The following MACROD2 variants were observed in gnomAD, a reference collection of about 807,000 sequenced individuals.
MACROD2 encodes the protein ADP-ribose glycohydrolase MACROD2.
A neutral mutation model predicts 70.4 loss-of-function variants in MACROD2; 36 were observed. The observed-to-expected ratio is 0.51, with a 90% CI of 0.39 to 0.68. The LOEUF (loss-of-function observed/expected upper bound fraction) is 0.68, where lower values mean the gene tolerates loss of function less well. MACROD2 is among the 30% of genes least tolerant of loss of function. MACROD2 has a pLI of 0.00. For missense variants in MACROD2, 496 were observed against 538.4 expected, an observed-to-expected ratio of 0.92 and a Z score of 0.78; for synonymous variants, 172 against 178.8, an observed-to-expected ratio of 0.96 and a Z score of 0.30.
chr20:14,602,200 C>T (rs1263156824), intron 4 of MACROD2, among the ~76,000 whole-genome samples: 3 of 152,182 alleles, frequency 2.0e-5, no homozygotes, highest in Non-Finnish European at 4.4e-5. Flanking sequence ...CTGCCCCTCA[C>T]AATGAAGTAC....
At chr20:15,597,619 TG>T (rs2048762956) in intron 8 of MACROD2, among the ~76,000 whole-genome samples, 1 of 152,186 alleles carries the variant, frequency 6.6e-6, no homozygotes, top group Admixed American at 6.5e-5. Context: ...GATGATGGCA[TG>T]GGGTTGAGGC....
At chr20:15,209,817 T>C (rs777111701) in intron 5 of MACROD2, among the ~76,000 whole-genome samples, 3 of 152,146 alleles carry the variant, frequency 2.0e-5, no homozygotes, top group African/African-American at 7.2e-5. Flanking sequence ...ACTCTGAAAA[T>C]CTTTCCAGAA....
intron 5 of MACROD2, among the ~76,000 whole-genome samples, chr20:15,000,548 G>C (rs891391154): frequency 7.5e-6 from 1 of 132,870 alleles, no homozygotes. Context: ...GCGTGAACCC[G>C]GGAAGCGGAG....
intron 8 of MACROD2, among the ~76,000 whole-genome samples, chr20:15,821,241 T>C (rs1414404555): frequency 6.6e-6 from 1 of 152,170 alleles, no homozygotes; most frequent in East Asian, 1.9e-4. Context: ...TTTAAAACAT[T>C]TCTTCATTTT....
intron 3 of MACROD2, among the ~76,000 whole-genome samples, chr20:14,314,795 AAAT>A (rs1466865551): frequency 6.7e-5 from 9 of 134,170 alleles, no homozygotes; most frequent in South Asian, 2.4e-4. Flanking sequence ...TAAATAAATA[AAAT>A]TTTTTAGGCA....
intron 5 of MACROD2, among the ~76,000 whole-genome samples, chr20:15,126,485 A>G (rs901110600): frequency 6.6e-6 from 1 of 152,046 alleles, no homozygotes; most frequent in Admixed American, 6.6e-5. Context: ...TTGATTTAAT[A>G]AAATTTGCAT....
At chr20:14,719,297 CAAAT>C (rs907407260) in intron 5 of MACROD2, among the ~76,000 whole-genome samples, 13 of 151,616 alleles carry the variant, frequency 8.6e-5, no homozygotes, top group South Asian at 2.1e-4. Flanking sequence ...TTTCAAAAGA[CAAAT>C]AAACTCTCTC....
intron 8 of MACROD2, among the ~76,000 whole-genome samples, chr20:15,765,489 C>T (rs1246653024): frequency 6.6e-6 from 1 of 152,134 alleles, no homozygotes; most frequent in Non-Finnish European, 1.5e-5. Context: ...GTGTATTGTT[C>T]AGGTTTGTAA....
chr20:14,149,669 T>G (rs751353635), intron 3 of MACROD2, among the ~76,000 whole-genome samples: 4 of 152,224 alleles, frequency 2.6e-5, no homozygotes, highest in Non-Finnish European at 5.9e-5. Flanking sequence ...GTCTTTTTAA[T>G]AGTAGCCATT....
chr20:15,255,841 G>A (rs2077194762), intron 6 of MACROD2, among the ~76,000 whole-genome samples: 1 of 152,088 alleles, frequency 6.6e-6, no homozygotes, highest in East Asian at 1.9e-4. Flanking sequence ...TTGACTCTAT[G>A]TCTTGGTGCT....
intron 6 of MACROD2, among the ~76,000 whole-genome samples, chr20:15,256,770 ATACTTG>A (rs2146036903): frequency 6.6e-6 from 1 of 152,146 alleles, no homozygotes; most frequent in African/African-American, 2.4e-5. Flanking sequence ...TGGATATGGT[ATACTTG>A]GATTTATTTG....
intron 5 of MACROD2, among the ~76,000 whole-genome samples, chr20:15,192,662 C>G (rs1229045985): frequency 6.6e-6 from 1 of 152,164 alleles, no homozygotes; most frequent in Non-Finnish European, 1.5e-5. Flanking sequence ...ATTACTCTGT[C>G]TGTATCTCAC....
rs541594062 is a variant in MACROD2, at chr20:15,023,171, A to G, written c.419-206769A>G. Among the ~76,000 whole-genome samples, 50 of 152,298 alleles carry G rather than the reference A, an allele frequency of 3.3e-4. 1 individual carries two copies. The South Asian group carries it at 7.5e-3, about 23-fold the overall frequency. On this transcript the variant is annotated intron_variant, in intron 5 of 17. Coordinates refer to ENST00000684519, the MANE Select transcript of MACROD2 (RefSeq NM_001351661.2). ...GCCATCATTTGCTAGAAAGTGGCAC[A>G]GAGTATTAAGAAGGCAGCTCTAGAA...
chr20:15,263,558 C>A (rs1351660492), intron 6 of MACROD2, among the ~76,000 whole-genome samples: 2 of 151,888 alleles, frequency 1.3e-5, no homozygotes, highest in African/African-American at 2.4e-5. Flanking sequence ...TTATCTATTT[C>A]TGTGAAAAAC....
chr20:15,588,547 C>A (rs983045403), intron 8 of MACROD2, among the ~76,000 whole-genome samples: 1 of 152,094 alleles, frequency 6.6e-6, no homozygotes, highest in African/African-American at 2.4e-5. Context: ...CTCTGTTTAC[C>A]TTTTAAAATG....
intron 3 of MACROD2, among the ~76,000 whole-genome samples, chr20:14,328,390 C>G (rs546999414): frequency 6.6e-6 from 1 of 152,058 alleles, no homozygotes; most frequent in South Asian, 2.1e-4. Context: ...TTTTCTACCT[C>G]ATAACGTGTT....
At chr20:15,590,971 G>GAAAA (rs971344290) in intron 8 of MACROD2, among the ~76,000 whole-genome samples, 1 of 150,986 alleles carries the variant, frequency 6.6e-6, no homozygotes, top group Non-Finnish European at 1.5e-5. Flanking sequence ...AAGAAAGAAA[G>GAAAA]AAAGAAAGAA....
intron 8 of MACROD2, among the ~76,000 whole-genome samples, chr20:15,792,705 C>CA (rs1417731314): frequency 1.1e-4 from 17 of 152,098 alleles, no homozygotes; most frequent in African/African-American, 3.9e-4. Context: ...ACTGTTAATA[C>CA]ATTGTTGCTT....
At chr20:14,538,191 A>G (rs962616351) in intron 4 of MACROD2, among the ~76,000 whole-genome samples, 1 of 152,154 alleles carries the variant, frequency 6.6e-6, no homozygotes, top group Non-Finnish European at 1.5e-5. Flanking sequence ...CAACCGTGGG[A>G]GGGGGTGGAG....
Sources: gnomAD v4.1 joint callset for allele counts (sites outside exome capture counted in the v4.1 genomes callset) on GRCh38, gnomAD v4.1.1 for gene constraint, MANE v1.5 for transcripts, NCBI Gene and HGNC (gene_info 2026-07-23, HGNC 2026-07-21) for gene names.